The following ZNF415 variants were observed in gnomAD, a reference collection of about 807,000 sequenced individuals.
The protein encoded by ZNF415 is zinc finger protein 415.
ZNF415 carries 5 observed loss-of-function variants against 7.3 expected under a neutral mutation model. The ratio of observed to expected loss-of-function variants is 0.69; its 90% CI spans 0.36 to 1.44. The LOEUF is 1.44. Among genes scored for constraint, ZNF415 ranks in the 40% most tolerant of loss-of-function variants. ZNF415 has a pLI of 0.04. For synonymous variants in ZNF415, 207 were observed against 226.3 expected, an observed-to-expected ratio of 0.91 and a Z score of 0.77; for missense variants, 628 against 664.8, an observed-to-expected ratio of 0.94 and a Z score of 0.61.
rs2085887319 is a variant in ZNF415, at chr19:53,109,389, A to T, written c.656T>A (p.Ile219Asn). 1 of 1,614,128 alleles carries T rather than the reference A, an allele frequency of 6.2e-7. No homozygotes were observed. The highest frequency in any genetic ancestry group is 1.3e-5 in the African/African-American group (1 of 75,034). The change falls in exon 4 of 4, where the codon ATT (isoleucine) becomes AAT (asparagine). Residue 219 changes from isoleucine to asparagine, a missense_variant. Transcript: ENST00000243643. ...ATGATTCAAGGCTTTGTCGCACTCAATATATCTGTAAGGTTTTTCCCTAAT... is the reference window on the plus strand; with the variant it reads ...ATGATTCAAGGCTTTGTCGCACTCATTATATCTGTAAGGTTTTTCCCTAAT... The part of the protein sequence containing the change: ...SCIREKPYRY[I>N]ECDKALNHGS...
Position 53,109,133 on chromosome 19 carries a change from C to T in ZNF415, c.912G>A (p.Glu304=), listed in dbSNP as rs1331431036. The change falls in exon 4 of 4, where the codon GAG becomes GAA. Residue 304 remains glutamate (E), a synonymous_variant. Coordinates refer to ENST00000243643, the MANE Select transcript of ZNF415 (RefSeq NM_018355.4). ...HTGEKPYKCY[E]CDKVFSRNSC... ...AATTTCGACTGAAGACCTTGTCACA[C>T]TCATAACATTTGTAAGGTTTCTCTC... 3 of 1,613,920 alleles carry T rather than the reference C, an allele frequency of 1.9e-6. No homozygotes were observed. The highest frequency in any genetic ancestry group is 2.5e-6 in the Non-Finnish European group (3 of 1,180,000).
chr19:53,111,325 T>C (rs2086198927), intron 3 of ZNF415, among the ~76,000 whole-genome samples: 2 of 148,306 alleles, frequency 1.3e-5, no homozygotes, highest in Non-Finnish European at 3.0e-5. Context: ...TTAGTTCTCC[T>C]AGCCTATGAT....
intron 1 of ZNF415, among the ~76,000 whole-genome samples, chr19:53,124,682 C>T (rs2088736377): frequency 6.6e-6 from 1 of 152,096 alleles, no homozygotes; most frequent in South Asian, 2.1e-4. Context: ...ACAGACCATT[C>T]CCAGTCACTA....
intron 1 of ZNF415, among the ~76,000 whole-genome samples, chr19:53,129,993 A>C (rs1230166172): frequency 6.6e-6 from 1 of 150,414 alleles, no homozygotes; most frequent in Non-Finnish European, 1.5e-5. Flanking sequence ...TGAACCCGGG[A>C]GGCGGAGGTT....
chr19:53,109,717 C>T lies in ZNF415; in HGVS notation c.328G>A (p.Val110Met). The change falls in exon 4 of 4, where the codon GTG (valine) becomes ATG (methionine). Residue 110 changes from valine (V) to methionine (M), a missense_variant. Transcript: ENST00000243643. Reference protein sequence around the residue: ...WRDDERNCNKVTTAPKENLTC... With the variant: ...WRDDERNCNKMTTAPKENLTC... ...AGATTTTCTTTTGGGGCCGTAGTCA[C>T]TTTGTTGCAATTTCTTTCATCATCT... is the stretch of plus-strand genomic sequence containing the variant. The T allele has an allele frequency of 6.2e-7, 1 of 1,613,946 alleles. No homozygotes were observed. Among genetic ancestry groups the T allele is most frequent in the Non-Finnish European group, 8.5e-7 (1 of 1,179,982 alleles).
chr19:53,115,624 T>G (rs989090206), intron 3 of ZNF415: 36 of 1,101,856 alleles, frequency 3.3e-5, no homozygotes, highest in Middle Eastern at 4.2e-4. Context: ...TTTGTTTTCC[T>G]ACAGAACTCT....
In ZNF415 at chr19:53,108,759, C is replaced by G; in HGVS notation, c.1286G>C (p.Ser429Thr). ...CTCTCCAGTATGAACTCTCCGATGA[C>G]TCGCAAGGTGTGAATTGTAACTGAA... ...KVFSYNSHLA[S>T]HRRVHTGEKP... is the part of the protein sequence containing the mutation. Residue 429 changes from serine to threonine, a missense_variant, in exon 4 of 4, where the codon AGT (serine) becomes ACT (threonine). By Grantham distance (58) the Ser-to-Thr change is moderately conservative (BLOSUM62 1). Coordinates refer to ENST00000243643, the MANE Select transcript of ZNF415 (RefSeq NM_018355.4). The G allele has an allele frequency of 6.2e-7, 1 of 1,613,968 alleles. No individual in the cohort carries two copies. The highest frequency in any genetic ancestry group is 1.7e-5 in the Admixed American group (1 of 60,006).
Position 53,109,343 on chromosome 19 carries a change from A to G in ZNF415, c.702T>C (p.Arg234=). ...ALNHGSHMTV[R]QVSHSGEKGY... The stretch of plus-strand genomic sequence containing the variant: ...CTTTCTCTCCAGAATGACTTACCTG[A>G]CGTACAGTCATGTGTGAGCCATGAT... The change falls in exon 4 of 4, where the codon CGT becomes CGC. Residue 234 remains arginine (R), a synonymous_variant. Coordinates refer to ENST00000243643, the MANE Select transcript of ZNF415 (RefSeq NM_018355.4). 1 of 1,614,140 alleles carries G rather than the reference A, an allele frequency of 6.2e-7. No individual in the cohort carries two copies.
intron 1 of ZNF415, among the ~76,000 whole-genome samples, chr19:53,127,174 C>T (rs563802755): frequency 2.8e-4 from 41 of 149,014 alleles, no homozygotes; most frequent in African/African-American, 6.7e-4. Context: ...CACCCACAGA[C>T]GCCCCCACAA....
chr19:53,116,395 A>C lies in ZNF415; in HGVS notation c.54T>G (p.Asp18Glu). 6.2e-7 allele frequency: 1 copy of C among 1,614,068 alleles called. No individual in the cohort carries two copies. Among genetic ancestry groups the C allele is most frequent in the Non-Finnish European group, 8.5e-7 (1 of 1,179,986 alleles). ...GTGTAGAGTTCAGGCATTTCCACTC[A>C]TCTTGAGAGAATTCGATGGCCACGT... ...FRDVAIEFSQ[D>E]EWKCLNSTQR... The change falls in exon 3 of 4, where the codon GAT becomes GAG. Residue 18 changes from aspartate (D) to glutamate (E), a missense_variant. Transcript: ENST00000243643.
intron 1 of ZNF415, 178 bp downstream of exon 1, chr19:53,132,678 G>A (rs1351632546): frequency 6.6e-6 from 1 of 152,470 alleles, no homozygotes; most frequent in Non-Finnish European, 1.5e-5. Flanking sequence ...CCGGGGACGG[G>A]GAGCAGCCTC....
chr19:53,122,468 G>A lies in ZNF415; in HGVS notation c.15+194C>T, dbSNP rs76084229. On this transcript the variant is annotated intron_variant, in intron 2 of 3. Transcript: ENST00000243643. ...ACCATGCCCAGTGGACTCTTCAGAA[G>A]TTCATGTCACAGGGTCAGGGTGAGA... 1.7e-4 allele frequency: 264 copies of A among 1,549,756 alleles called. No homozygotes were observed. The African/African-American group carries it at 3.3e-3, about 20-fold the overall frequency.
chr19:53,122,292 C>A, intron 2 of ZNF415: 1 of 1,083,448 alleles, frequency 9.2e-7, no homozygotes, highest in Non-Finnish European at 1.3e-6. Flanking sequence ...AAAAACATGA[C>A]TTCCATGGGC....
At chr19:53,119,214 G>A (rs1206398133) in intron 2 of ZNF415, among the ~76,000 whole-genome samples, 9 of 151,924 alleles carry the variant, frequency 5.9e-5, no homozygotes, top group Admixed American at 1.3e-4. Context: ...CCCAGGAGGC[G>A]GAGCTTGCAG....
intron 1 of ZNF415, among the ~76,000 whole-genome samples, chr19:53,126,313 T>A (rs957468368): frequency 7.9e-5 from 12 of 151,084 alleles, no homozygotes; most frequent in African/African-American, 2.9e-4. Context: ...ATGGGATCCC[T>A]GTCTGAGGCT....
intron 2 of ZNF415, among the ~76,000 whole-genome samples, chr19:53,118,578 A>G (rs936656237): frequency 2.0e-5 from 3 of 152,228 alleles, no homozygotes; most frequent in African/African-American, 7.2e-5. Context: ...TTTTTAAAAT[A>G]TCAAAATCTT....
In ZNF415 at chr19:53,108,676, T is replaced by C. The variant is rs1270115771; in HGVS notation, c.1369A>G (p.Thr457Ala). The C allele has an allele frequency of 6.2e-7, 1 of 1,614,048 alleles. No homozygotes were observed. The highest frequency in any genetic ancestry group is 1.3e-5 in the African/African-American group (1 of 74,916). Residue 457 changes from threonine to alanine, a missense_variant, in exon 4 of 4, where the codon ACC becomes GCC. Coordinates refer to ENST00000243643, the MANE Select transcript of ZNF415 (RefSeq NM_018355.4). ...KAFSVHSNLT[T>A]HQVIHTGEKP... ...TCTCCAGTATGGATGACCTGATGGG[T>C]AGTTAAGTTCGAATGCACACTAAAG...
intron 2 of ZNF415, among the ~76,000 whole-genome samples, chr19:53,121,910 T>C (rs1048471520): frequency 3.9e-5 from 6 of 152,178 alleles, no homozygotes; most frequent in Admixed American, 3.3e-4. Flanking sequence ...ATCCCCTTAT[T>C]GGCTGCCTTT....
At chr19:53,116,260 A>G in intron 3 of ZNF415, 53 bp downstream of exon 3, 1 of 1,565,302 alleles carries the variant, frequency 6.4e-7, no homozygotes, top group Non-Finnish European at 8.6e-7. Context: ...CACAAGGGAA[A>G]ATGGAAAGAT....
Sources: gnomAD v4.1 joint callset for allele counts (sites outside exome capture counted in the v4.1 genomes callset) on GRCh38, gnomAD v4.1.1 for gene constraint, MANE v1.5 for transcripts, NCBI Gene and HGNC (gene_info 2026-07-23, HGNC 2026-07-21) for gene names.